ADAMTSL1: variants seen among roughly 807,000 people sequenced by gnomAD.
The protein encoded by ADAMTSL1 is ADAMTS-like protein 1.
In ADAMTSL1, 126 loss-of-function variants were observed where a neutral mutation model predicts 201.8. The ratio of observed to expected loss-of-function variants is 0.62; its 90% CI spans 0.54 to 0.72. The LOEUF is 0.72. Ranked by LOEUF, ADAMTSL1 falls within the 30% of genes least tolerant of loss-of-function variation. The pLI is 0.00. For missense variants in ADAMTSL1, 2,679 were observed against 2,277.8 expected, an observed-to-expected ratio of 1.18 and a Z score of -3.59; for synonymous variants, 1,121 against 903.4, an observed-to-expected ratio of 1.24 and a Z score of -4.32.
chr9:18,831,190 G>C (rs1351195042), intron 23 of ADAMTSL1, among the ~76,000 whole-genome samples: 1 of 152,204 alleles, frequency 6.6e-6, no homozygotes, highest in Non-Finnish European at 1.5e-5. Context: ...AAGACACAGG[G>C]AAAGTAACAA....
intron 2 of ADAMTSL1, among the ~76,000 whole-genome samples, chr9:18,515,955 G>C (rs755407105): frequency 1.3e-5 from 2 of 151,988 alleles, no homozygotes; most frequent in Non-Finnish European, 2.9e-5. Flanking sequence ...TTCTTGGGTA[G>C]TTTATGCAAA....
At chr9:18,059,599 C>A (rs958381489) in intron 1 of ADAMTSL1, among the ~76,000 whole-genome samples, 8 of 152,110 alleles carry the variant, frequency 5.3e-5, no homozygotes, top group Admixed American at 2.0e-4. Context: ...TGGTTTTATA[C>A]ACACATTATC....
At chr9:18,267,932 T>C (rs1314382560) in intron 2 of ADAMTSL1, among the ~76,000 whole-genome samples, 1 of 152,118 alleles carries the variant, frequency 6.6e-6, no homozygotes, top group Non-Finnish European at 1.5e-5. Context: ...TCTCACAATA[T>C]ACAGATTTCT....
At chr9:18,376,391 C>A (rs1837296804) in intron 2 of ADAMTSL1, among the ~76,000 whole-genome samples, 1 of 151,862 alleles carries the variant, frequency 6.6e-6, no homozygotes, top group Non-Finnish European at 1.5e-5. Context: ...GGAGAGAGAA[C>A]CTGAAAGCAG....
At chr9:18,298,824 C>G (rs1833579057) in intron 2 of ADAMTSL1, among the ~76,000 whole-genome samples, 2 of 151,796 alleles carry the variant, frequency 1.3e-5, no homozygotes, top group South Asian at 2.1e-4. Flanking sequence ...GAGATCGAGA[C>G]CACGGTGAAA....
chr9:18,153,737 A>T (rs1035976825), intron 1 of ADAMTSL1, among the ~76,000 whole-genome samples: 1 of 152,068 alleles, frequency 6.6e-6, no homozygotes, highest in Admixed American at 6.6e-5. Context: ...TAATCACTTT[A>T]TGTCATTTCA....
At chr9:18,904,765 C>A (rs1362025175) in intron 26 of ADAMTSL1, among the ~76,000 whole-genome samples, 2 of 128,594 alleles carry the variant, frequency 1.6e-5, no homozygotes, top group African/African-American at 3.1e-5. Flanking sequence ...TTTACCCCAA[C>A]CCTCCATGTG....
At chr9:18,504,421 T>C (rs1823011551) in intron 1 of ADAMTSL1, among the ~76,000 whole-genome samples, 1 of 152,232 alleles carries the variant, frequency 6.6e-6, no homozygotes, top group Non-Finnish European at 1.5e-5. Flanking sequence ...GGAAGCAGTT[T>C]AGTGTGCACA....
rs141377858 is a variant in ADAMTSL1 at position 18,316,037 on chromosome 9, C to T, written c.207+152056C>T. On this transcript the variant is annotated intron_variant, in intron 2 of 29. Coordinates refer to the ADAMTSL1 transcript ENST00000680146. ...TTTTAAAGCTGGGCGTCGGGGGAGA[C>T]ATCACATGTCGGTAGGTTCCGTGAT... Among the ~76,000 whole-genome samples, 186 of 152,256 alleles carry T rather than the reference C, an allele frequency of 1.2e-3. 1 individual carries two copies. Among genetic ancestry groups the T allele is most frequent in the African/African-American group, 4.3e-3 (177 of 41,538 alleles).
chr9:18,481,241 C>T (rs1821713505), intron 1 of ADAMTSL1, among the ~76,000 whole-genome samples: 1 of 152,112 alleles, frequency 6.6e-6, no homozygotes, highest in Admixed American at 6.5e-5. Flanking sequence ...TGTCTGAGTG[C>T]CATGAAAGAA....
intron 2 of ADAMTSL1, among the ~76,000 whole-genome samples, chr9:18,233,578 C>A: frequency 6.6e-6 from 1 of 152,208 alleles, no homozygotes; most frequent in Non-Finnish European, 1.5e-5. Flanking sequence ...CATTCCCTCC[C>A]ACCTAGGAGC....
intron 2 of ADAMTSL1, among the ~76,000 whole-genome samples, chr9:18,227,753 C>T (rs1372747549): frequency 6.6e-6 from 1 of 152,170 alleles, no homozygotes; most frequent in Non-Finnish European, 1.5e-5. Context: ...TCACTATCTC[C>T]TCAACTCCCC....
rs1251232448 is a variant in ADAMTSL1, at chr9:18,906,875, C to A, written c.5145C>A (p.Ala1715=). ...TGTGCTCCTGGGGGCCCCGGCCTGCCAACTGGCAGCGCTGCAACATCACCC... is the reference window on the plus strand; with the variant it reads ...TGTGCTCCTGGGGGCCCCGGCCTGCAAACTGGCAGCGCTGCAACATCACCC... ...EHLCSWGPRP[A]NWQRCNITPC... Residue 1715 remains alanine (A), a synonymous_variant, in exon 28 of 29, where the codon GCC becomes GCA. Coordinates refer to ENST00000380548, the MANE Select transcript of ADAMTSL1 (RefSeq NM_001040272.6). 6.2e-7 allele frequency: 1 copy of A among 1,613,974 alleles called. No homozygotes were observed. Among genetic ancestry groups the A allele is most frequent in the South Asian group, 1.1e-5 (1 of 91,074 alleles).
intron 2 of ADAMTSL1, among the ~76,000 whole-genome samples, chr9:18,231,592 G>A (rs542976432): frequency 6.6e-6 from 1 of 152,144 alleles, no homozygotes; most frequent in African/African-American, 2.4e-5. Flanking sequence ...TTCACATGCA[G>A]TCTCATGGCT....
intron 1 of ADAMTSL1, among the ~76,000 whole-genome samples, chr9:18,103,984 G>T (rs1824644700): frequency 6.6e-6 from 1 of 152,178 alleles, no homozygotes; most frequent in Admixed American, 6.5e-5. Flanking sequence ...AAACCAGTTT[G>T]ACATTTTATA....
intron 23 of ADAMTSL1, among the ~76,000 whole-genome samples, chr9:18,843,197 G>A (rs1257776495): frequency 2.0e-5 from 3 of 150,840 alleles, no homozygotes; most frequent in East Asian, 1.9e-4. Context: ...CATGTTTAGT[G>A]CTTCCTTCAG....
At chr9:18,043,397 T>A (rs1821514892) in intron 1 of ADAMTSL1, among the ~76,000 whole-genome samples, 1 of 152,124 alleles carries the variant, frequency 6.6e-6, no homozygotes, top group African/African-American at 2.4e-5. Flanking sequence ...TTGGGATATT[T>A]AGAACCAGAG....
At chr9:18,601,918 A>G (rs193243424) in intron 4 of ADAMTSL1, among the ~76,000 whole-genome samples, 1 of 152,150 alleles carries the variant, frequency 6.6e-6, no homozygotes, top group Non-Finnish European at 1.5e-5. Flanking sequence ...TAAAAATGAC[A>G]TTTTTATTGG....
chr9:18,636,235 A>G (rs1029149333), intron 6 of ADAMTSL1, among the ~76,000 whole-genome samples: 5 of 152,170 alleles, frequency 3.3e-5, no homozygotes, highest in Non-Finnish European at 7.3e-5. Flanking sequence ...AAAAATACAA[A>G]ATAGATGCTC....
Sources: gnomAD v4.1 joint callset for allele counts (sites outside exome capture counted in the v4.1 genomes callset) on GRCh38, gnomAD v4.1.1 for gene constraint, MANE v1.5 for transcripts, NCBI Gene and HGNC (gene_info 2026-07-23, HGNC 2026-07-21) for gene names.